The following TBC1D9B variants were observed in gnomAD, a reference collection of about 807,000 sequenced individuals.
TBC1D9B encodes TBC1 domain family, member 9B (with GRAM domain).
TBC1D9B carries 87 observed loss-of-function variants against 121.1 expected under a neutral mutation model. That is an observed-to-expected ratio of 0.72 (90% CI 0.60 to 0.86). TBC1D9B has a LOEUF of 0.86. Among genes scored for constraint, TBC1D9B ranks in the 40% least tolerant of loss-of-function variants. TBC1D9B has a pLI of 0.00. For synonymous variants in TBC1D9B, 668 were observed against 670.1 expected, an observed-to-expected ratio of 1.00 and a Z score of 0.05; for missense variants, 1,540 against 1,628.6, an observed-to-expected ratio of 0.95 and a Z score of 0.94.
In TBC1D9B at chr5:179,876,250, G is replaced by A. The variant is rs1189860395; in HGVS notation, c.1783-213C>T. The stretch of plus-strand genomic sequence containing the variant: ...GCCTCTTCAGGAGGGCTGGGCATCC[G>A]GTAATGAGAAACTGCCCCTACCCAA... On this transcript the variant is annotated intron_variant, in intron 10 of 20. Coordinates refer to ENST00000355235, the MANE Select transcript of TBC1D9B (RefSeq NM_015043.4). 2.6e-5 allele frequency among the ~76,000 whole-genome samples: 4 copies of A among 152,250 alleles called. No homozygotes were observed. The East Asian group carries it at 5.8e-4, about 22-fold the overall frequency.
At chr5:179,889,843 C>T (rs573661424) in intron 6 of TBC1D9B, among the ~76,000 whole-genome samples, 1 of 146,514 alleles carries the variant, frequency 6.8e-6, no homozygotes, top group Non-Finnish European at 1.5e-5. Context: ...CACTGCACTC[C>T]TGCCCAGGCA....
intron 14 of TBC1D9B, chr5:179,872,211 T>C (rs950679090): frequency 3.8e-5 from 6 of 157,462 alleles, no homozygotes; most frequent in Non-Finnish European, 7.1e-5. Context: ...AACGTGCAGC[T>C]GAGGTCGCAG....
At chr5:179,866,808 G>C (rs997404039) in intron 18 of TBC1D9B, 1 of 152,738 alleles carries the variant, frequency 6.5e-6, no homozygotes, top group Non-Finnish European at 1.5e-5. Flanking sequence ...GGGCATCTTG[G>C]TACACACTAT....
chr5:179,889,867 G>A lies in TBC1D9B; in HGVS notation c.1044+1512C>T, dbSNP rs1464142258. ...CCTGCCCAGGCAAGAGTGAGACCCT[G>A]TCTCAAAAAAAAAAAAAAAAAAAAA... On this transcript the variant is annotated intron_variant, in intron 6 of 20. Transcript: ENST00000355235. 4.2e-5 allele frequency among the ~76,000 whole-genome samples: 4 copies of A among 94,536 alleles called. No individual in the cohort carries two copies. The Admixed American group carries it at 4.2e-4, about 10-fold the overall frequency. 62.0% of individuals were successfully genotyped at this position (94,536 alleles called of 152,430 possible).
At chr5:179,867,112 ACTCAGCCACACTGTGTCTTTCACACG>A (rs1760035133) in intron 18 of TBC1D9B, 1 of 250,532 alleles carries the variant, frequency 4.0e-6, no homozygotes, top group Non-Finnish European at 7.8e-6. Context: ...TCCAGCCCCC[ACTCAGCCACACTGTGTCTTTCACACG>A]CTCCAATGAC....
chr5:179,873,362 G>C, intron 12 of TBC1D9B, 114 bp from the exon 13 acceptor site: 5 of 1,394,556 alleles, frequency 3.6e-6, no homozygotes, highest in Non-Finnish European at 4.7e-6. Flanking sequence ...AATAAGGAGT[G>C]TGCAGAGGAC....
intron 18 of TBC1D9B, 170 bp from the exon 19 acceptor site, chr5:179,866,058 C>T (rs1207101749): frequency 1.4e-6 from 1 of 689,972 alleles, no homozygotes; most frequent in South Asian, 1.8e-5. Context: ...CCAGCCCCGC[C>T]CTATGGCACC....
At chr5:179,879,912 G>A in intron 7 of TBC1D9B, 123 bp from the exon 8 acceptor site, 2 of 1,188,078 alleles carry the variant, frequency 1.7e-6, no homozygotes, top group Non-Finnish European at 2.3e-6. Context: ...GGCAAACGGT[G>A]CACGGAGAAG....
At chr5:179,898,313 G>A (rs185149048) in intron 3 of TBC1D9B, among the ~76,000 whole-genome samples, 2 of 152,102 alleles carry the variant, frequency 1.3e-5, no homozygotes, top group East Asian at 1.9e-4. Context: ...CACCACGCCC[G>A]GCTAATTTTT....
Position 179,874,908 on chromosome 5 carries a change from A to G in TBC1D9B, c.2180T>C (p.Leu727Pro). Residue 727 changes from leucine to proline, a missense_variant, in exon 12 of 21, where the codon CTG (leucine) becomes CCG (proline). Coordinates refer to ENST00000355235, the MANE Select transcript of TBC1D9B (RefSeq NM_015043.4). The surrounding 1 kb of genome is among the most constrained non-coding windows in gnomAD (Gnocchi z 4.3). Reference sequence around the variant, plus strand: ...AAGGAACCCGGCATGTCACCTGCCCAGCATGGTCATGGCCTCGCCCTCGTC... The same window carrying G: ...AAGGAACCCGGCATGTCACCTGCCCGGCATGGTCATGGCCTCGCCCTCGTC... ...CSDEGEAMTM[L>P]GRYLDNVVNK... The G allele has an allele frequency of 6.2e-7, 1 of 1,613,148 alleles. No homozygotes were observed.
At chr5:179,864,171 C>G (rs1386737860) in intron 20 of TBC1D9B, 43 bp from the exon 21 acceptor site, 2 of 1,537,148 alleles carry the variant, frequency 1.3e-6, no homozygotes, top group Non-Finnish European at 1.8e-6. Flanking sequence ...TGGTAAAAGA[C>G]CAGTCAGACG....
Position 179,872,985 on chromosome 5 carries a change from G to C in TBC1D9B, c.2322C>G (p.Phe774Leu), listed in dbSNP as rs567057392. ...CAATGTCTTCGGCCCTCAGGCTGCT[G>C]AATTTCTATAGGGAGAGGTGACTTG... ...FELLKVSYEKFSSLRAEDIEQ... is the reference protein window; with the variant it reads ...FELLKVSYEKLSSLRAEDIEQ... The change falls in exon 14 of 21, where the codon TTC becomes TTG. Residue 774 changes from phenylalanine to leucine, a missense_variant. By Grantham distance (22) the Phe-to-Leu change is conservative (BLOSUM62 0). Coordinates refer to ENST00000355235, the MANE Select transcript of TBC1D9B (RefSeq NM_015043.4). The C allele has an allele frequency of 3.1e-6, 5 of 1,614,052 alleles. 1 individual carries two copies. In the East Asian group the frequency reaches 1.1e-4, roughly 36 times the overall value.
chr5:179,887,881 G>A, intron 7 of TBC1D9B: 1 of 614,256 alleles, frequency 1.6e-6, no homozygotes, highest in South Asian at 1.9e-5. Context: ...GGCCCAGCAG[G>A]AGTGAGGAGT....
Position 179,863,675 on chromosome 5 carries a change from G to A in TBC1D9B, c.3475C>T (p.Leu1159=), listed in dbSNP as rs1471441345. The change falls in exon 21 of 21, where the codon CTG becomes TTG. Residue 1159 remains leucine (L), a synonymous_variant. Coordinates refer to ENST00000355235, the MANE Select transcript of TBC1D9B (RefSeq NM_015043.4). The surrounding 1 kb of genome is among the most constrained non-coding windows in gnomAD (Gnocchi z 4.5). ...QCEDLADDTV[L]VGGEACSPTA... ...GGGCTGCAGGCCTCCCCGCCCACCAGCACCGTGTCGTCTGCAAGGTCTTCA... is the reference window on the plus strand; with the variant it reads ...GGGCTGCAGGCCTCCCCGCCCACCAACACCGTGTCGTCTGCAAGGTCTTCA... 1 of 1,613,720 alleles carries A rather than the reference G, an allele frequency of 6.2e-7. No homozygotes were observed. The highest frequency in any genetic ancestry group is 1.7e-5 in the Admixed American group (1 of 60,030).
chr5:179,903,267 T>C (rs1761211810), intron 2 of TBC1D9B, among the ~76,000 whole-genome samples: 1 of 152,228 alleles, frequency 6.6e-6, no homozygotes, highest in African/African-American at 2.4e-5. Context: ...AAAGTACTTA[T>C]GCCTTCTGGA....
At chr5:179,872,685 T>A in intron 14 of TBC1D9B, 1 of 578,604 alleles carries the variant, frequency 1.7e-6, no homozygotes, top group Non-Finnish European at 3.0e-6. Flanking sequence ...CGGTGACACA[T>A]CCACCAGCAG....
Position 179,885,024 on chromosome 5 carries a change from C to T in TBC1D9B, c.1254+3079G>A, listed in dbSNP as rs915670402. Reference sequence around the variant, plus strand: ...GTCTCCTGAATCTGACCCCTTCTTACACCTACACTGTTCCTACCCTTGATG... The same window carrying T: ...GTCTCCTGAATCTGACCCCTTCTTATACCTACACTGTTCCTACCCTTGATG... On this transcript the variant is annotated intron_variant, in intron 7 of 20. Transcript: ENST00000355235. The surrounding 1 kb of genome is among the most constrained non-coding windows in gnomAD (Gnocchi z 4.5). Among the ~76,000 whole-genome samples, 4 of 152,152 alleles carry T rather than the reference C, an allele frequency of 2.6e-5. No homozygotes were observed. The highest frequency in any genetic ancestry group is 9.7e-5 in the African/African-American group (4 of 41,430).
chr5:179,905,061 C>T (rs868319283), intron 1 of TBC1D9B, among the ~76,000 whole-genome samples: 1 of 152,220 alleles, frequency 6.6e-6, no homozygotes, highest in Non-Finnish European at 1.5e-5. Context: ...CACTTGCAGG[C>T]AGAGGCAGAT....
chr5:179,887,871 G>C, intron 7 of TBC1D9B: 2 of 590,628 alleles, frequency 3.4e-6, no homozygotes, highest in Non-Finnish European at 6.0e-6. Flanking sequence ...ATGGGCAATG[G>C]GCCCAGCAGG....
Sources: allele counts gnomAD v4.1 joint callset (sites outside exome capture counted in the v4.1 genomes callset), GRCh38; gene constraint gnomAD v4.1.1; non-coding constraint Gnocchi (gnomAD v3.1); transcripts MANE v1.5; gene names NCBI Gene and HGNC (gene_info 2026-07-23, HGNC 2026-07-21).